The following KDM1A variants were observed in gnomAD, a reference collection of about 807,000 sequenced individuals.
KDM1A encodes lysine-specific histone demethylase 1A.
A neutral mutation model predicts 109.4 loss-of-function variants in KDM1A; 49 were observed. That is an observed-to-expected ratio of 0.45 (90% CI 0.36 to 0.57). The LOEUF is 0.57. Among genes scored for constraint, KDM1A ranks in the 20% least tolerant of loss-of-function variants. The probability of loss-of-function intolerance (pLI) is 0.00; values close to 1 mark genes in which losing one functional copy is unlikely to be tolerated. For missense variants in KDM1A, 668 were observed against 1,116.6 expected (o/e 0.60, Z 5.73); for synonymous variants, 380 against 415.4 (o/e 0.91, Z 1.04).
intron 9 of KDM1A, among the ~76,000 whole-genome samples, chr1:23,065,371 T>A (rs181559549): frequency 6.6e-5 from 10 of 152,338 alleles, no homozygotes; most frequent in Admixed American, 6.5e-4. Context: ...TGATCCTGTT[T>A]TAAAGGTATT....
At chr1:23,037,129 T>TATACACACAC (rs112388712) in intron 2 of KDM1A, among the ~76,000 whole-genome samples, 2 of 147,636 alleles carry the variant, frequency 1.4e-5, no homozygotes, top group African/African-American at 5.0e-5. Flanking sequence ...AAAATATATA[T>TATACACACAC]ACACACACAC....
chr1:23,050,261 T>C, intron 3 of KDM1A, 126 bp from the exon 4 acceptor site: 2 of 978,344 alleles, frequency 2.0e-6, no homozygotes. Context: ...AGTTTCAGCT[T>C]TTGAGACAAT....
intron 1 of KDM1A, among the ~76,000 whole-genome samples, chr1:23,022,648 CTTTTT>C (rs58124287): frequency 2.7e-5 from 1 of 36,812 alleles, no homozygotes; most frequent in Non-Finnish European, 4.6e-5. Context: ...CCTTCTTCTT[CTTTTT>C]TTTTTTTTTT....
chr1:23,075,931 G>C (rs1337301078), intron 15 of KDM1A, among the ~76,000 whole-genome samples: 2 of 152,028 alleles, frequency 1.3e-5, no homozygotes, highest in East Asian at 1.9e-4. Context: ...TGGGCAACAA[G>C]AGCAAAACTC....
At chr1:23,025,867 A>AC (rs1271626116) in intron 1 of KDM1A, among the ~76,000 whole-genome samples, 2 of 152,042 alleles carry the variant, frequency 1.3e-5, no homozygotes, top group Admixed American at 1.3e-4. Flanking sequence ...CAAGGTGGAC[A>AC]GATCGATTGA....
chr1:23,023,518 T>A (rs1472607858), intron 1 of KDM1A, among the ~76,000 whole-genome samples: 1 of 152,220 alleles, frequency 6.6e-6, no homozygotes, highest in Non-Finnish European at 1.5e-5. Context: ...AAGAGTTTAT[T>A]TCTGGACTCT....
At chr1:23,063,395 C>G (rs1569773175) in intron 9 of KDM1A, among the ~76,000 whole-genome samples, 1 of 151,940 alleles carries the variant, frequency 6.6e-6, no homozygotes, top group African/African-American at 2.4e-5. Flanking sequence ...TTACAAACAC[C>G]GTTAACTATA....
Position 23,079,221 on chromosome 1 carries a change from A to C in KDM1A, c.2055+44A>C, listed in dbSNP as rs1202701669. Reference sequence around the variant, plus strand: ...TCCTGTCTACAGATCTGATGTACAAATAGCAGTCTTCGTTGTTTACTTGGT... The same window carrying C: ...TCCTGTCTACAGATCTGATGTACAACTAGCAGTCTTCGTTGTTTACTTGGT... On this transcript the variant is annotated intron_variant, in intron 17 of 20. Transcript: ENST00000400181. This position sits in a 1 kb window ranked among gnomAD's most constrained non-coding sequence, Gnocchi z 5.6. 6.3e-7 allele frequency: 1 copy of C among 1,575,732 alleles called. No individual in the cohort carries two copies. The highest frequency in any genetic ancestry group is 8.6e-7 in the Non-Finnish European group (1 of 1,156,232).
intron 15 of KDM1A, among the ~76,000 whole-genome samples, chr1:23,074,752 G>C (rs1274822366): frequency 1.3e-5 from 2 of 152,094 alleles, no homozygotes; most frequent in Non-Finnish European, 2.9e-5. Context: ...GTAAGTGAAG[G>C]GTTCATGTTT....
chr1:23,068,985 A>T, intron 11 of KDM1A, 76 bp from the exon 12 acceptor site: 1 of 999,016 alleles, frequency 1.0e-6, no homozygotes, highest in Non-Finnish European at 1.5e-6. Context: ...TGATGCCCTT[A>T]AATGTTTTTG....
At chr1:23,052,709 G>C (rs1323509781) in intron 4 of KDM1A, among the ~76,000 whole-genome samples, 2 of 152,064 alleles carry the variant, frequency 1.3e-5, no homozygotes, top group African/African-American at 2.4e-5. Context: ...CTGAAACACA[G>C]TACTTCCTTG....
At chr1:23,052,138 G>A (rs1642692002) in intron 4 of KDM1A, among the ~76,000 whole-genome samples, 1 of 152,112 alleles carries the variant, frequency 6.6e-6, no homozygotes, top group African/African-American at 2.4e-5. Flanking sequence ...TGTCTTTTCT[G>A]ATTCACCAAA....
intron 1 of KDM1A, among the ~76,000 whole-genome samples, chr1:23,029,054 A>G (rs187277279): frequency 6.6e-5 from 10 of 152,200 alleles, no homozygotes; most frequent in African/African-American, 2.2e-4. Flanking sequence ...TTCTAACCCA[A>G]TCCCTGTTTT....
intron 2 of KDM1A, among the ~76,000 whole-genome samples, chr1:23,043,354 T>G (rs990858889): frequency 6.6e-6 from 1 of 152,250 alleles, no homozygotes. Context: ...ATGTATCTTC[T>G]AGCAACACAT....
At chr1:23,042,005 C>G (rs1050864266) in intron 2 of KDM1A, among the ~76,000 whole-genome samples, 3 of 151,962 alleles carry the variant, frequency 2.0e-5, no homozygotes, top group African/African-American at 7.3e-5. Context: ...TTGATTCACA[C>G]ACAAAAATCA....
chr1:23,071,032 C>T (rs913100862), intron 12 of KDM1A, among the ~76,000 whole-genome samples, 193 bp from the exon 13 acceptor site: 25 of 152,076 alleles, frequency 1.6e-4, no homozygotes, highest in Admixed American at 1.6e-3. Flanking sequence ...ATGTCAAGCC[C>T]TATAAGATTT....
chr1:23,078,771 G>A (rs1643537405), intron 16 of KDM1A, among the ~76,000 whole-genome samples: 1 of 152,218 alleles, frequency 6.6e-6, no homozygotes, highest in African/African-American at 2.4e-5. Context: ...GGATTCTGAA[G>A]TTGACTACAA....
At chr1:23,076,530 G>A (rs1245171087) in intron 15 of KDM1A, among the ~76,000 whole-genome samples, 1 of 152,124 alleles carries the variant, frequency 6.6e-6, no homozygotes, top group Admixed American at 6.6e-5. Flanking sequence ...TATCCTTCAA[G>A]TCTGTAATGT....
At chr1:23,041,435 C>CTTT (rs66720696) in intron 2 of KDM1A, among the ~76,000 whole-genome samples, 159 of 52,992 alleles carry the variant, frequency 3.0e-3, no homozygotes, top group Admixed American at 3.7e-3. Flanking sequence ...TCTTTTCTTG[C>CTTT]TTTTTTTTTT....
Sources: gnomAD v4.1 joint callset for allele counts (sites outside exome capture counted in the v4.1 genomes callset) on GRCh38, gnomAD v4.1.1 for gene constraint, Gnocchi (gnomAD v3.1) non-coding constraint, MANE v1.5 for transcripts, NCBI Gene and HGNC (gene_info 2026-07-23, HGNC 2026-07-21) for gene names.